RFTN1: variants seen among roughly 807,000 people sequenced by gnomAD.
The protein encoded by RFTN1 is raftlin, lipid raft linker 1, also known as raftlin.
A neutral mutation model predicts 46.5 loss-of-function variants in RFTN1; 26 were observed. That is an observed-to-expected ratio of 0.56 (90% confidence interval 0.41 to 0.78). The LOEUF (loss-of-function observed/expected upper bound fraction) is 0.78. Among genes scored for constraint, RFTN1 ranks in the 30% least tolerant of loss-of-function variants. RFTN1 has a pLI of 0.00. For synonymous variants in RFTN1, 261 were observed against 284.2 expected (o/e 0.92, Z 0.82); for missense variants, 693 against 718.7 (o/e 0.96, Z 0.41).
chr3:16,435,977 T>C lies in RFTN1; in HGVS notation c.146-1940A>G, dbSNP rs144937300. On this transcript the variant is annotated intron_variant, in intron 2 of 9. Transcript: ENST00000334133. The stretch of plus-strand genomic sequence containing the variant: ...CATATGTATGTGTGCATTGTAATTT[T>C]TTCAGCTAGTGCTATTTCCCCCATA... 8.4e-3 allele frequency among the ~76,000 whole-genome samples: 1,266 copies of C among 150,402 alleles called. 20 individuals are homozygous for C. Among genetic ancestry groups the C allele is most frequent in the African/African-American group, 0.029 (1,198 of 40,684 alleles).
In RFTN1 at chr3:16,353,698, G is replaced by A. The variant is rs2072240970; in HGVS notation, c.1146+4234C>T. On this transcript the variant is annotated intron_variant, in intron 7 of 9. Coordinates refer to ENST00000334133, the MANE Select transcript of RFTN1 (RefSeq NM_015150.2). The surrounding 1 kb of genome is among the most constrained non-coding windows in gnomAD (Gnocchi z 5.4). ...AATGAAGTCATACGCATGGGACCCT[G>A]ATTGAACAGGATTAGTGTCCTTATA... Among the ~76,000 whole-genome samples the A allele has an allele frequency of 6.6e-6, 1 of 152,178 alleles. No homozygotes were observed. Among genetic ancestry groups the A allele is most frequent in the Non-Finnish European group, 1.5e-5 (1 of 68,034 alleles).
chr3:16,354,875 C>T (rs1274851131), intron 7 of RFTN1, among the ~76,000 whole-genome samples: 2 of 152,210 alleles, frequency 1.3e-5, no homozygotes, highest in African/African-American at 2.4e-5. Context: ...TATCCTAGTT[C>T]GTCCCTCTTT....
rs2070666834 is a variant in RFTN1 at position 16,334,560 on chromosome 3, G to A, written c.1147-7684C>T. Reference sequence around the variant, plus strand: ...TGTTTCACCCAGACAACAGCTCAGAGAACTGGGCAATGGCTGCTCATGTGT... The same window carrying A: ...TGTTTCACCCAGACAACAGCTCAGAAAACTGGGCAATGGCTGCTCATGTGT... On this transcript the variant is annotated intron_variant, in intron 7 of 9. Transcript: ENST00000334133. The surrounding 1 kb of genome is among the most constrained non-coding windows in gnomAD (Gnocchi z 4.3). Among the ~76,000 whole-genome samples the A allele has an allele frequency of 6.6e-6, 1 of 152,200 alleles. No homozygotes were observed. Among genetic ancestry groups the A allele is most frequent in the Non-Finnish European group, 1.5e-5 (1 of 68,030 alleles).
Position 16,461,479 on chromosome 3 carries a change from A to G in RFTN1, c.146-27442T>C, listed in dbSNP as rs183781825. Among the ~76,000 whole-genome samples, 19 of 152,370 alleles carry G rather than the reference A, an allele frequency of 1.2e-4. No homozygotes were observed. The East Asian group carries it at 3.3e-3, about 26-fold the overall frequency. On this transcript the variant is annotated intron_variant, in intron 2 of 9. Coordinates refer to ENST00000334133, the MANE Select transcript of RFTN1 (RefSeq NM_015150.2). ...GTATGAATTTTCCACCAGGAAACCC[A>G]CACTAAATACCTAGGGTTTTTCTGT...
At chr3:16,471,483 GC>G (rs1453620649) in intron 2 of RFTN1, among the ~76,000 whole-genome samples, 1 of 152,138 alleles carries the variant, frequency 6.6e-6, no homozygotes, top group Non-Finnish European at 1.5e-5. Context: ...TCACATACAG[GC>G]CTGCATAGCA....
chr3:16,369,875 AC>A (rs2073421186), intron 6 of RFTN1, among the ~76,000 whole-genome samples, 200 bp downstream of exon 6: 1 of 152,158 alleles, frequency 6.6e-6, no homozygotes, highest in Non-Finnish European at 1.5e-5. Context: ...TACCTGGCTG[AC>A]TCGTAGAGAG....
chr3:16,398,000 A>G (rs923538986), intron 4 of RFTN1, among the ~76,000 whole-genome samples: 1 of 151,964 alleles, frequency 6.6e-6, no homozygotes, highest in African/African-American at 2.4e-5. Flanking sequence ...TAATCCCAGC[A>G]CTTTGGGAGG....
Position 16,345,339 on chromosome 3 carries a change from T to G in RFTN1, c.1146+12593A>C, listed in dbSNP as rs1479250901. The G allele has an allele frequency of 6.6e-6, 1 of 151,062 alleles. No individual in the cohort carries two copies. The highest frequency in any genetic ancestry group is 2.0e-4 in the East Asian group (1 of 5,128). The allele number at this position is 151,062 out of a possible 1,614,324, so 9.4% of individuals were successfully genotyped here. A position where few individuals can be genotyped will look rare whatever the true frequency, so the allele number is the denominator to read the frequency against. The stretch of plus-strand genomic sequence containing the variant: ...TAGAATTATCTCCCACTTTTTTATC[T>G]CAAACACATTGGGAAAACCTAAAGA... On this transcript the variant is annotated intron_variant, in intron 7 of 9. Coordinates refer to ENST00000334133, the MANE Select transcript of RFTN1 (RefSeq NM_015150.2). The surrounding 1 kb of genome is among the most constrained non-coding windows in gnomAD (Gnocchi z 5.2).
At chr3:16,488,100 CTTTTTT>C (rs11328637) in intron 2 of RFTN1, among the ~76,000 whole-genome samples, 1 of 125,754 alleles carries the variant, frequency 8.0e-6, no homozygotes, top group African/African-American at 2.9e-5. Flanking sequence ...GTGATCCTGA[CTTTTTT>C]TTTTTTTTTT....
rs569856833 is a variant in RFTN1, at chr3:16,384,390, G to A, written c.442-6288C>T. ...CTGACTAGGCATGAAATAAAAGTTC[G>A]GTACAGGCTCCCAAATGACAGTGAG... On this transcript the variant is annotated intron_variant, in intron 4 of 9. Coordinates refer to ENST00000334133, the MANE Select transcript of RFTN1 (RefSeq NM_015150.2). This position sits in a 1 kb window ranked among gnomAD's most constrained non-coding sequence, Gnocchi z 4.7. Among the ~76,000 whole-genome samples the A allele has an allele frequency of 6.0e-4, 91 of 152,252 alleles. No homozygotes were observed. The highest frequency in any genetic ancestry group is 2.1e-3 in the African/African-American group (89 of 41,554).
rs894929900 is a variant in RFTN1 at position 16,336,673 on chromosome 3, T to A, written c.1147-9797A>T. 2.6e-5 allele frequency among the ~76,000 whole-genome samples: 4 copies of A among 152,230 alleles called. No homozygotes were observed. Among genetic ancestry groups the A allele is most frequent in the Middle Eastern group, 3.4e-3 (1 of 294 alleles). On this transcript the variant is annotated intron_variant, in intron 7 of 9. Transcript: ENST00000334133. The surrounding 1 kb of genome is among the most constrained non-coding windows in gnomAD (Gnocchi z 6.0). The stretch of plus-strand genomic sequence containing the variant: ...TGTTCAAAGAGAATAATTTTTTTTT[T>A]TTAAAAAAGCTTAGTTCTTAGATGC...
chr3:16,363,660 A>G (rs1230150734), intron 6 of RFTN1, among the ~76,000 whole-genome samples: 1 of 152,280 alleles, frequency 6.6e-6, no homozygotes, highest in Non-Finnish European at 1.5e-5. Flanking sequence ...TGTGCATGCC[A>G]TGACAAGCGG....
rs1456502047 is a variant in RFTN1, at chr3:16,336,457, C to T, written c.1147-9581G>A. Reference sequence around the variant, plus strand: ...GCCCTCTGCAGCCAGCACAGCTGGCCTTCCTCACCCTCAGCCTCCCAGGCC... The same window carrying T: ...GCCCTCTGCAGCCAGCACAGCTGGCTTTCCTCACCCTCAGCCTCCCAGGCC... On this transcript the variant is annotated intron_variant, in intron 7 of 9. Coordinates refer to ENST00000334133, the MANE Select transcript of RFTN1 (RefSeq NM_015150.2). This position sits in a 1 kb window ranked among gnomAD's most constrained non-coding sequence, Gnocchi z 6.0. Among the ~76,000 whole-genome samples, 1 of 152,204 alleles carries T rather than the reference C, an allele frequency of 6.6e-6. No individual in the cohort carries two copies. The highest frequency in any genetic ancestry group is 1.9e-4 in the East Asian group (1 of 5,198).
chr3:16,510,703 G>A, intron 1 of RFTN1, among the ~76,000 whole-genome samples: 1 of 152,308 alleles, frequency 6.6e-6, no homozygotes, highest in South Asian at 2.1e-4. Flanking sequence ...ACCATGTTGG[G>A]AAAAGGTCTG....
chr3:16,342,344 T>TCATACATG lies in RFTN1; in HGVS notation c.1147-15476_1147-15469dup, dbSNP rs1296069576. Among the ~76,000 whole-genome samples the TCATACATG allele has an allele frequency of 6.6e-6, 1 of 152,284 alleles. No homozygotes were observed. Among genetic ancestry groups the TCATACATG allele is most frequent in the African/African-American group, 2.4e-5 (1 of 41,478 alleles). Reference sequence around the variant, plus strand: ...TTTCACTTTAGCATATGTTCAAGGTTCATACATGTAGCATATATCAGTAGT... The same window carrying TCATACATG: ...TTTCACTTTAGCATATGTTCAAGGTTCATACATGCATACATGTAGCATATATCAGTAGT... On this transcript the variant is annotated intron_variant, in intron 7 of 9. Transcript: ENST00000334133. This position sits in a 1 kb window ranked among gnomAD's most constrained non-coding sequence, Gnocchi z 4.0.
intron 7 of RFTN1, among the ~76,000 whole-genome samples, chr3:16,357,181 T>C (rs545147628): frequency 1.5e-4 from 23 of 151,820 alleles, no homozygotes; most frequent in African/African-American, 5.6e-4. Context: ...CAGTTCTCTA[T>C]GTCCAAATAG....
At position 16,342,149 on chromosome 3, in the gene RFTN1, C is replaced by G. The variant is rs1450802486; in HGVS notation, c.1147-15273G>C. Among the ~76,000 whole-genome samples the G allele has an allele frequency of 1.3e-5, 2 of 152,180 alleles. No homozygotes were observed. On this transcript the variant is annotated intron_variant, in intron 7 of 9. Transcript: ENST00000334133. This position sits in a 1 kb window ranked among gnomAD's most constrained non-coding sequence, Gnocchi z 4.0. ...ATCACCACAATCTAAGTTTAGACCA[C>G]TTTCATCACCCCCCACACCAATACC...
rs759329979 is a variant in RFTN1 at position 16,338,141 on chromosome 3, G to A, written c.1147-11265C>T. Among the ~76,000 whole-genome samples the A allele has an allele frequency of 3.9e-5, 6 of 152,202 alleles. No individual in the cohort carries two copies. Among genetic ancestry groups the A allele is most frequent in the African/African-American group, 7.2e-5 (3 of 41,446 alleles). On this transcript the variant is annotated intron_variant, in intron 7 of 9. Transcript: ENST00000334133. This position sits in a 1 kb window ranked among gnomAD's most constrained non-coding sequence, Gnocchi z 5.3. Reference sequence around the variant, plus strand: ...TGGGTGATCTGGTCCTGGTACATGCGGTTTCTCTAACGTCAGTTACTTGGA... The same window carrying A: ...TGGGTGATCTGGTCCTGGTACATGCAGTTTCTCTAACGTCAGTTACTTGGA...
rs1388952953 is a variant in RFTN1 at position 16,425,208 on chromosome 3, T to C, written c.332+8643A>G. Among the ~76,000 whole-genome samples, 7 of 152,214 alleles carry C rather than the reference T, an allele frequency of 4.6e-5. No individual in the cohort carries two copies. The highest frequency in any genetic ancestry group is 9.6e-5 in the African/African-American group (4 of 41,460). On this transcript the variant is annotated intron_variant, in intron 3 of 9. Transcript: ENST00000334133. The surrounding 1 kb of genome is among the most constrained non-coding windows in gnomAD (Gnocchi z 4.3). ...TAGTCTACCTTGCAATGCTACCAAATAAATCTTCCTAGAGAGTCAATTTTT... is the reference window on the plus strand; with the variant it reads ...TAGTCTACCTTGCAATGCTACCAAACAAATCTTCCTAGAGAGTCAATTTTT...
Sources: gnomAD v4.1 joint callset for allele counts (sites outside exome capture counted in the v4.1 genomes callset) on GRCh38, gnomAD v4.1.1 for gene constraint, Gnocchi (gnomAD v3.1) non-coding constraint, MANE v1.5 for transcripts, NCBI Gene and HGNC (gene_info 2026-07-23, HGNC 2026-07-21) for gene names.